DYNC1I1: variants seen among roughly 807,000 people sequenced by gnomAD.
DYNC1I1 encodes cytoplasmic dynein 1 intermediate chain 1.
DYNC1I1 carries 43 observed loss-of-function variants against 86.6 expected under a neutral mutation model. The observed-to-expected ratio is 0.50, with a 90% CI of 0.39 to 0.64. DYNC1I1 has a LOEUF of 0.64. DYNC1I1 is among the 30% of genes least tolerant of loss of function. The pLI, the probability that DYNC1I1 is intolerant of heterozygous loss-of-function variation, is 0.00. For synonymous variants in DYNC1I1, 262 were observed against 283.7 expected (o/e 0.92, Z 0.77); for missense variants, 604 against 788.8 (o/e 0.77, Z 2.81).
At chr7:96,018,720 A>T (rs1339793329) in intron 10 of DYNC1I1, among the ~76,000 whole-genome samples, 2 of 152,218 alleles carry the variant, frequency 1.3e-5, no homozygotes, top group Non-Finnish European at 2.9e-5. Flanking sequence ...GGAGAGATGT[A>T]AAAACTAACA....
chr7:95,856,141 TC>T (rs1789715355), intron 5 of DYNC1I1, among the ~76,000 whole-genome samples: 1 of 152,206 alleles, frequency 6.6e-6, no homozygotes, highest in Admixed American at 6.5e-5. Flanking sequence ...GTAAGATTTT[TC>T]TATTTAACTT....
intron 6 of DYNC1I1, among the ~76,000 whole-genome samples, chr7:95,936,700 A>G (rs1383779829): frequency 6.6e-6 from 1 of 152,020 alleles, no homozygotes; most frequent in Non-Finnish European, 1.5e-5. Context: ...TGGAAATTAA[A>G]AATACGATTG....
At position 96,035,657 on chromosome 7, in the gene DYNC1I1, C is replaced by A. The variant is rs750510296; in HGVS notation, c.1269C>A (p.Val423=). ...MELVYNKSKP[V]AVTGMAFPTG... is the part of the protein sequence containing the mutation. ...TGGTGTACAATAAGTCCAAGCCTGTCGCTGTTACCGGAATGGCTTTCCCAA... is the reference window on the plus strand; with the variant it reads ...TGGTGTACAATAAGTCCAAGCCTGTAGCTGTTACCGGAATGGCTTTCCCAA... Residue 423 remains valine, a synonymous_variant, in exon 13 of 17, where the codon GTC becomes GTA. Transcript: ENST00000447467. 8 of 1,610,848 alleles carry A rather than the reference C, an allele frequency of 5.0e-6. No homozygotes were observed. The Admixed American group carries it at 1.3e-4, about 27-fold the overall frequency.
intron 14 of DYNC1I1, 110 bp downstream of exon 14, chr7:96,039,531 G>A: frequency 8.7e-6 from 12 of 1,373,836 alleles, no homozygotes; most frequent in Non-Finnish European, 1.2e-5. Flanking sequence ...CCTGGCATTG[G>A]GAATTCATAT....
intron 14 of DYNC1I1, among the ~76,000 whole-genome samples, chr7:96,050,599 C>A (rs529889237): frequency 1.3e-5 from 2 of 152,242 alleles, no homozygotes; most frequent in East Asian, 3.9e-4. Context: ...AGTTCCTAAA[C>A]AATACCCTTT....
intron 5 of DYNC1I1, among the ~76,000 whole-genome samples, chr7:95,854,872 T>C (rs1789675331): frequency 6.6e-6 from 1 of 152,134 alleles, no homozygotes; most frequent in East Asian, 1.9e-4. Flanking sequence ...GAATTGGCTA[T>C]AGCTCAGCAT....
chr7:96,039,614 A>G (rs1372508374), intron 14 of DYNC1I1, among the ~76,000 whole-genome samples, 193 bp downstream of exon 14: 4 of 152,192 alleles, frequency 2.6e-5, no homozygotes, highest in Non-Finnish European at 5.9e-5. Flanking sequence ...TATAGGTAAT[A>G]CTTGAAAATA....
At position 95,969,620 on chromosome 7, in the gene DYNC1I1, T is replaced by C. The variant is rs764037959; in HGVS notation, c.491-7892T>C. 3.2e-4 allele frequency among the ~76,000 whole-genome samples: 49 copies of C among 152,224 alleles called. 1 individual carries two copies. Among genetic ancestry groups the C allele is most frequent in the Non-Finnish European group, 6.2e-4 (42 of 68,042 alleles). ...AACTCAATTCAATACATATTTACTA[T>C]GCATATATTACATATCAGTGCTCTT... On this transcript the variant is annotated intron_variant, in intron 6 of 16. Coordinates refer to ENST00000447467, the MANE Select transcript of DYNC1I1 (RefSeq NM_001135556.2).
chr7:95,977,996 A>G (rs1046080945), intron 7 of DYNC1I1, among the ~76,000 whole-genome samples: 1 of 152,234 alleles, frequency 6.6e-6, no homozygotes, highest in African/African-American at 2.4e-5. Flanking sequence ...ACATAGAAAC[A>G]TTAATAGTGA....
intron 16 of DYNC1I1, among the ~76,000 whole-genome samples, chr7:96,106,544 G>GA (rs896084440): frequency 5.3e-5 from 8 of 150,552 alleles, no homozygotes; most frequent in Admixed American, 1.3e-4. Flanking sequence ...TCAAAAAAAA[G>GA]AAAAAAAAGA....
intron 10 of DYNC1I1, among the ~76,000 whole-genome samples, chr7:96,007,401 C>T (rs1416429539): frequency 2.0e-5 from 3 of 152,194 alleles, no homozygotes; most frequent in Non-Finnish European, 4.4e-5. Flanking sequence ...TATTACATGA[C>T]TGTTCTCCAC....
At chr7:96,106,783 T>C (rs1219784621) in intron 16 of DYNC1I1, among the ~76,000 whole-genome samples, 4 of 152,230 alleles carry the variant, frequency 2.6e-5, no homozygotes, top group Non-Finnish European at 5.9e-5. Flanking sequence ...ATATATAATA[T>C]GAAATAACCT....
intron 1 of DYNC1I1, among the ~76,000 whole-genome samples, chr7:95,776,688 C>T (rs1793848599): frequency 6.6e-6 from 1 of 152,166 alleles, no homozygotes; most frequent in Admixed American, 6.5e-5. Context: ...GCTATCAGGA[C>T]ATTTTTGTGG....
chr7:95,877,476 C>T (rs1306292120), intron 6 of DYNC1I1, among the ~76,000 whole-genome samples: 1 of 152,188 alleles, frequency 6.6e-6, no homozygotes, highest in Non-Finnish European at 1.5e-5. Context: ...TCCCCTCCCC[C>T]AGCTCCAGAA....
intron 6 of DYNC1I1, among the ~76,000 whole-genome samples, chr7:95,957,785 G>A (rs553256585): frequency 1.2e-3 from 188 of 152,314 alleles, no homozygotes; most frequent in African/African-American, 4.4e-3. Flanking sequence ...AGTAGGCTCT[G>A]AAAGGGGTGA....
chr7:95,871,677 G>A (rs928537783), intron 6 of DYNC1I1, among the ~76,000 whole-genome samples: 1 of 152,196 alleles, frequency 6.6e-6, no homozygotes, highest in African/African-American at 2.4e-5. Flanking sequence ...GATAAATTAA[G>A]GATGAAAAGG....
At chr7:96,068,975 T>A (rs1790077827) in intron 14 of DYNC1I1, among the ~76,000 whole-genome samples, 1 of 152,200 alleles carries the variant, frequency 6.6e-6, no homozygotes, top group African/African-American at 2.4e-5. Context: ...GCAAAATAAG[T>A]CAAGCCTGCA....
At chr7:95,803,121 A>G (rs1309086046) in intron 1 of DYNC1I1, among the ~76,000 whole-genome samples, 1 of 152,220 alleles carries the variant, frequency 6.6e-6, no homozygotes, top group Non-Finnish European at 1.5e-5. Flanking sequence ...AGGCAGTCTC[A>G]GTTCTTGCTG....
intron 10 of DYNC1I1, among the ~76,000 whole-genome samples, chr7:96,012,146 G>A (rs1036160442): frequency 6.6e-6 from 1 of 152,132 alleles, no homozygotes; most frequent in African/African-American, 2.4e-5. Context: ...TTGACAGAAG[G>A]TATATGGATT....
Sources: gnomAD v4.1 joint callset for allele counts (sites outside exome capture counted in the v4.1 genomes callset) on GRCh38, gnomAD v4.1.1 for gene constraint, MANE v1.5 for transcripts, NCBI Gene and HGNC (gene_info 2026-07-23, HGNC 2026-07-21) for gene names.